Variants in FAM124A observed in about 807,000 individuals in gnomAD.
FAM124A encodes protein FAM124A.
Under a neutral mutation model 24.5 loss-of-function variants are expected in FAM124A, and 23 were observed. The observed-to-expected ratio is 0.94, with a 90% confidence interval of 0.68 to 1.33. FAM124A has a LOEUF of 1.33. FAM124A is among the 40% of genes most tolerant of loss of function. The pLI, the probability that FAM124A is intolerant of heterozygous loss-of-function variation, is 0.00. For missense variants in FAM124A, 623 were observed against 722.8 expected (o/e 0.86, Z 1.58); for synonymous variants, 287 against 314.7 (o/e 0.91, Z 0.93).
At chr13:51,233,571 G>T (rs1158157389) in intron 2 of FAM124A, among the ~76,000 whole-genome samples, 2 of 152,102 alleles carry the variant, frequency 1.3e-5, no homozygotes, top group East Asian at 1.9e-4. Flanking sequence ...AGGGGGAAGC[G>T]GGGAGGCTTG....
At chr13:51,273,965 A>G (rs1178553620) in intron 3 of FAM124A, among the ~76,000 whole-genome samples, 2 of 152,198 alleles carry the variant, frequency 1.3e-5, no homozygotes, top group African/African-American at 4.8e-5. Flanking sequence ...AAAAATAAAT[A>G]TTCGGGGAAA....
intron 3 of FAM124A, among the ~76,000 whole-genome samples, chr13:51,265,225 G>A (rs1044481534): frequency 3.9e-5 from 6 of 152,316 alleles, no homozygotes; most frequent in African/African-American, 1.2e-4. Context: ...TGGGAAAGAA[G>A]GCTGCTGGGA....
chr13:51,236,673 G>A (rs945751758), intron 2 of FAM124A, among the ~76,000 whole-genome samples: 4 of 152,188 alleles, frequency 2.6e-5, no homozygotes, highest in Admixed American at 6.5e-5. Flanking sequence ...TCAGACTTGG[G>A]ATAATGAAGT....
rs1396643578 is a variant in FAM124A, at chr13:51,282,473, C to T, written c.*1217C>T. ...GTATTTGAATCTCACCTCCCTCTCA[C>T]CTCAGTAAGAGTATGTTTGTTTACA... On this transcript the variant is annotated 3_prime_UTR_variant, in exon 4 of 4. Transcript: ENST00000322475. 6.6e-6 allele frequency: 1 copy of T among 152,238 alleles called. No individual in the cohort carries two copies. Among genetic ancestry groups the T allele is most frequent in the South Asian group, 2.1e-4 (1 of 4,826 alleles). 9.4% of individuals were successfully genotyped at this position (152,238 alleles called of 1,614,324 possible). A position where few individuals can be genotyped will look rare whatever the true frequency, so the allele number is the denominator to read the frequency against.
chr13:51,245,626 C>G (rs933696446), intron 2 of FAM124A, among the ~76,000 whole-genome samples: 9 of 152,178 alleles, frequency 5.9e-5, no homozygotes, highest in Admixed American at 5.2e-4. Flanking sequence ...TCTCCTGTAT[C>G]ACGAGGATTG....
chr13:51,225,976 C>CTTTTTTTTTTTT (rs780570797), intron 1 of FAM124A, among the ~76,000 whole-genome samples: 5 of 67,580 alleles, frequency 7.4e-5, no homozygotes, highest in African/African-American at 3.0e-4. Context: ...TGCTTGCTTT[C>CTTTTTTTTTTTT]TTTTTTTTTT....
chr13:51,277,577 G>A (rs1368030144), intron 3 of FAM124A, among the ~76,000 whole-genome samples: 1 of 152,182 alleles, frequency 6.6e-6, no homozygotes, highest in African/African-American at 2.4e-5. Flanking sequence ...GGTGGACCAC[G>A]AGGTCAGAAG....
At position 51,281,303 on chromosome 13, in the gene FAM124A, A is replaced by G; in HGVS notation, c.*47A>G. On this transcript the variant is annotated 3_prime_UTR_variant, in exon 4 of 4. Transcript: ENST00000322475. ...GAAACACACAAACTCAGAGACACAG[A>G]CTCAGGCCCCACTGCCCCTCTGGCC... 1.3e-6 allele frequency: 2 copies of G among 1,503,296 alleles called. No homozygotes were observed. The highest frequency in any genetic ancestry group is 1.8e-6 in the Non-Finnish European group (2 of 1,128,818). The allele number at this position is 1,503,296 out of a possible 1,614,324, so 93.1% of individuals were successfully genotyped here. A position where few individuals can be genotyped will look rare whatever the true frequency, so the allele number is the denominator to read the frequency against.
chr13:51,246,842 G>A (rs902485075), intron 2 of FAM124A, among the ~76,000 whole-genome samples: 3 of 152,218 alleles, frequency 2.0e-5, no homozygotes, highest in Non-Finnish European at 4.4e-5. Flanking sequence ...AGGGCTGAGC[G>A]CCCTGACAGC....
chr13:51,266,414 CCCCAAAG>C (rs1954786866), intron 3 of FAM124A, among the ~76,000 whole-genome samples: 1 of 152,082 alleles, frequency 6.6e-6, no homozygotes, highest in South Asian at 2.1e-4. Flanking sequence ...ACCCGTCCAA[CCCCAAAG>C]CCAGTTCAGT....
At position 51,258,899 on chromosome 13, in the gene FAM124A, A is replaced by G. The variant is rs1351109677; in HGVS notation, c.834+6698A>G. Reference sequence around the variant, plus strand: ...CACGAGAGGCTGCTCAGAAGAACCTATGCCTGAGCAGAGCTGGGGCAGATG... The same window carrying G: ...CACGAGAGGCTGCTCAGAAGAACCTGTGCCTGAGCAGAGCTGGGGCAGATG... On this transcript the variant is annotated intron_variant, in intron 3 of 3. Coordinates refer to ENST00000322475, the MANE Select transcript of FAM124A (RefSeq NM_001242312.2). The surrounding 1 kb of genome is among the most constrained non-coding windows in gnomAD (Gnocchi z 4.2). Among the ~76,000 whole-genome samples the G allele has an allele frequency of 6.6e-6, 1 of 152,150 alleles. No individual in the cohort carries two copies. Among genetic ancestry groups the G allele is most frequent in the Non-Finnish European group, 1.5e-5 (1 of 68,020 alleles).
In FAM124A at chr13:51,252,486, C is replaced by T. The variant is rs1954636127; in HGVS notation, c.834+285C>T. 6 of 491,388 alleles carry T rather than the reference C, an allele frequency of 1.2e-5. No individual in the cohort carries two copies. In the South Asian group the frequency reaches 2.6e-4, roughly 21 times the overall value. The allele number at this position is 491,388 out of a possible 1,614,324, so 30.4% of individuals were successfully genotyped here. A position where few individuals can be genotyped will look rare whatever the true frequency, so the allele number is the denominator to read the frequency against. ...CCCCTATTGGGCATCCACTAAACACCCATGACTCCTGGGGATTTCAAATGA... is the reference window on the plus strand; with the variant it reads ...CCCCTATTGGGCATCCACTAAACACTCATGACTCCTGGGGATTTCAAATGA... On this transcript the variant is annotated intron_variant, in intron 3 of 3. Transcript: ENST00000322475.
chr13:51,242,827 G>A (rs1425795292), intron 2 of FAM124A, among the ~76,000 whole-genome samples: 1 of 152,000 alleles, frequency 6.6e-6, no homozygotes, highest in Admixed American at 6.6e-5. Flanking sequence ...CATCCACATC[G>A]CTGACATTGT....
intron 3 of FAM124A, among the ~76,000 whole-genome samples, chr13:51,271,873 G>C (rs1480236314): frequency 1.3e-5 from 2 of 152,198 alleles, no homozygotes; most frequent in Non-Finnish European, 2.9e-5. Flanking sequence ...ACCTCGCCAA[G>C]TCCAGTGGAA....
At chr13:51,253,657 A>G (rs764613817) in intron 3 of FAM124A, 2 of 152,236 alleles carry the variant, frequency 1.3e-5, no homozygotes, top group Non-Finnish European at 2.9e-5. Context: ...TGCAGTAATT[A>G]GAGCACTTTT....
intron 2 of FAM124A, among the ~76,000 whole-genome samples, chr13:51,236,153 G>A (rs971265624): frequency 1.1e-4 from 17 of 152,282 alleles, no homozygotes; most frequent in African/African-American, 3.9e-4. Context: ...GCTGCTCTGG[G>A]CCCCTGGATC....
intron 3 of FAM124A, among the ~76,000 whole-genome samples, chr13:51,268,958 A>C (rs553318242): frequency 6.6e-6 from 1 of 152,366 alleles, no homozygotes; most frequent in Admixed American, 6.5e-5. Flanking sequence ...AATAAGATGT[A>C]AGTAACTTAG....
intron 3 of FAM124A, among the ~76,000 whole-genome samples, chr13:51,260,536 C>T (rs1954724816): frequency 6.6e-6 from 1 of 152,232 alleles, no homozygotes; most frequent in Non-Finnish European, 1.5e-5. Context: ...ACGCTTTGGG[C>T]TAAGTGTGAT....
At position 51,225,976 on chromosome 13, in the gene FAM124A, C is replaced by CTTTTTTTTTTT. The variant is rs780570797; in HGVS notation, c.68+3432_68+3442dup. Among the ~76,000 whole-genome samples the CTTTTTTTTTTT allele has an allele frequency of 1.8e-4, 12 of 67,580 alleles. 1 individual carries two copies. The highest frequency in any genetic ancestry group is 6.7e-4 in the African/African-American group (9 of 13,376). 44.3% of individuals were successfully genotyped at this position (67,580 alleles called of 152,430 possible). On this transcript the variant is annotated intron_variant, in intron 1 of 3. Coordinates refer to ENST00000322475, the MANE Select transcript of FAM124A (RefSeq NM_001242312.2). The stretch of plus-strand genomic sequence containing the variant: ...ATCTGTAATGTTGCTTGCTTGCTTT[C>CTTTTTTTTTTT]TTTTTTTTTTTTTTTTTTTTTTTTT...
Sources: allele counts gnomAD v4.1 joint callset (sites outside exome capture counted in the v4.1 genomes callset), GRCh38; gene constraint gnomAD v4.1.1; non-coding constraint Gnocchi (gnomAD v3.1); transcripts MANE v1.5; gene names NCBI Gene and HGNC (gene_info 2026-07-23, HGNC 2026-07-21).